DLGAP2: variants seen among roughly 807,000 people sequenced by gnomAD.
DLGAP2 encodes the protein DLG associated protein 2.
A neutral mutation model predicts 100.3 loss-of-function variants in DLGAP2; 26 were observed. That is an observed-to-expected ratio of 0.26 (90% CI 0.19 to 0.36). The LOEUF is 0.36. DLGAP2 is among the 10% of genes least tolerant of loss of function. The probability of loss-of-function intolerance (pLI) is 1.00; values close to 1 mark genes in which losing one functional copy is unlikely to be tolerated. For synonymous variants in DLGAP2, 886 were observed against 630.1 expected, an observed-to-expected ratio of 1.41 and a Z score of -6.08; for missense variants, 1,858 against 1,453.2, an observed-to-expected ratio of 1.28 and a Z score of -4.53.
chr8:830,892 G>A (rs1796769033), intron 1 of DLGAP2, among the ~76,000 whole-genome samples: 1 of 106,672 alleles, frequency 9.4e-6, no homozygotes, highest in East Asian at 2.9e-4. Flanking sequence ...ATTCAGCTGT[G>A]ACTTTTTTTT....
chr8:838,218 T>A (rs189148892), intron 1 of DLGAP2, among the ~76,000 whole-genome samples: 21 of 152,218 alleles, frequency 1.4e-4, no homozygotes, highest in African/African-American at 4.8e-4. Flanking sequence ...TTTGTTCCTT[T>A]TAAGTTCTTA....
intron 2 of DLGAP2, among the ~76,000 whole-genome samples, chr8:1,147,996 G>C (rs1585102726): frequency 6.6e-6 from 1 of 152,252 alleles, no homozygotes; most frequent in East Asian, 1.9e-4. Context: ...AGACAAGTTT[G>C]AGAAGTGTTT....
chr8:1,293,081 G>A (rs1168658946), intron 3 of DLGAP2, among the ~76,000 whole-genome samples: 2 of 152,128 alleles, frequency 1.3e-5, no homozygotes, highest in African/African-American at 4.8e-5. Flanking sequence ...CCCACAAGTG[G>A]GGGAGAAAGG....
At chr8:1,420,751 G>A (rs890165667) in intron 3 of DLGAP2, among the ~76,000 whole-genome samples, 7 of 152,052 alleles carry the variant, frequency 4.6e-5, no homozygotes, top group Non-Finnish European at 8.8e-5. Context: ...TCCCTGGCTC[G>A]GTGGTAATCT....
chr8:1,411,311 T>A (rs1438433404), intron 3 of DLGAP2, among the ~76,000 whole-genome samples: 14 of 152,232 alleles, frequency 9.2e-5, no homozygotes. Flanking sequence ...GAGTTAGGAA[T>A]AATCAAAACA....
chr8:1,575,455 T>TTTATTATTATTATTATTATTA lies in DLGAP2; in HGVS notation c.1442+9576_1442+9596dup, dbSNP rs56350882. Among the ~76,000 whole-genome samples the TTTATTATTATTATTATTATTA allele has an allele frequency of 2.7e-3, 375 of 141,198 alleles. 2 individuals are homozygous for TTTATTATTATTATTATTATTA. The highest frequency in any genetic ancestry group is 3.6e-3 in the Non-Finnish European group (237 of 65,566). 92.6% of individuals were successfully genotyped at this position (141,198 alleles called of 152,430 possible). On this transcript the variant is annotated intron_variant, in intron 6 of 14. Coordinates refer to ENST00000637795, the MANE Select transcript of DLGAP2 (RefSeq NM_001346810.2). ...CCCTCCGTGAGACAGGAGGATATTC[T>TTTATTATTATTATTATTATTA]TTATTATTATTATTATTATTATTAT...
rs373089965 is a variant in DLGAP2, at chr8:1,668,402, G to C, written c.1884G>C (p.Ser628=). The change falls in exon 9 of 15, where the codon TCG becomes TCC. Residue 628 remains serine (S), a synonymous_variant. Transcript: ENST00000637795. ...GGACCACCTCCAAGCCTCTGATCTC[G>C]GTGACGGCGCAGAGCAGCACCGAAT... is the stretch of plus-strand genomic sequence containing the variant. ...PPRTTSKPLI[S]VTAQSSTEST... is the part of the protein sequence containing the mutation. 294 of 1,603,556 alleles carry C rather than the reference G, an allele frequency of 1.8e-4. 3 individuals carry two copies. The South Asian group carries it at 3.1e-3, about 17-fold the overall frequency.
intron 2 of DLGAP2, chr8:1,105,114 C>T (rs1804714223): frequency 1.3e-5 from 2 of 152,192 alleles, no homozygotes; most frequent in South Asian, 2.1e-4. Context: ...CCACGGGTGC[C>T]CCGAATCCCA....
rs558893948 is a variant in DLGAP2 at position 850,923 on chromosome 8, A to G, written c.19-56989A>G. 2.6e-5 allele frequency among the ~76,000 whole-genome samples: 4 copies of G among 152,214 alleles called. No individual in the cohort carries two copies. In the East Asian group the frequency reaches 7.7e-4, roughly 29 times the overall value. The stretch of plus-strand genomic sequence containing the variant: ...ATTGTCTTTCACTCTCTCTGTTTTC[A>G]CTTTTGAAATAGCCAAGATTCACAC... On this transcript the variant is annotated intron_variant, in intron 1 of 14. Transcript: ENST00000637795.
At chr8:837,879 G>T (rs1347666980) in intron 1 of DLGAP2, among the ~76,000 whole-genome samples, 1 of 146,538 alleles carries the variant, frequency 6.8e-6, no homozygotes, top group African/African-American at 2.5e-5. Context: ...ACCACGCCCG[G>T]CTAGTTGTTT....
chr8:983,479 T>C (rs1800399161), intron 2 of DLGAP2, among the ~76,000 whole-genome samples: 1 of 152,190 alleles, frequency 6.6e-6, no homozygotes, highest in South Asian at 2.1e-4. Context: ...AGAATCCACG[T>C]GTTGGTGGAA....
chr8:935,834 C>T (rs890806673), intron 2 of DLGAP2, among the ~76,000 whole-genome samples: 11 of 152,102 alleles, frequency 7.2e-5, no homozygotes, highest in African/African-American at 2.7e-4. Context: ...TTTTGTTTTT[C>T]AGGGAGTATG....
At chr8:1,529,125 T>C (rs1800896523) in intron 4 of DLGAP2, among the ~76,000 whole-genome samples, 1 of 152,210 alleles carries the variant, frequency 6.6e-6, no homozygotes, top group East Asian at 1.9e-4. Context: ...CAGTTCAGCA[T>C]GGCTGGTGAG....
chr8:1,383,657 G>A (rs1796145417), intron 3 of DLGAP2, among the ~76,000 whole-genome samples: 1 of 152,174 alleles, frequency 6.6e-6, no homozygotes, highest in Admixed American at 6.5e-5. Context: ...GCTGGGGCTG[G>A]GACAGGTGCC....
chr8:1,150,313 C>T (rs1796675557), intron 2 of DLGAP2, among the ~76,000 whole-genome samples: 1 of 152,174 alleles, frequency 6.6e-6, no homozygotes, highest in African/African-American at 2.4e-5. Context: ...TTCTGCCTTC[C>T]CTGTTTTTAT....
rs560036594 is a variant in DLGAP2, at chr8:1,321,322, G to A, written c.106+62439G>A. ...TGCATCTGTGTGTCTCTGCGTGTGCGTGTGTGTCTGTGTGTCTCTGCATGT... is the reference window on the plus strand; with the variant it reads ...TGCATCTGTGTGTCTCTGCGTGTGCATGTGTGTCTGTGTGTCTCTGCATGT... On this transcript the variant is annotated intron_variant, in intron 3 of 14. Coordinates refer to ENST00000637795, the MANE Select transcript of DLGAP2 (RefSeq NM_001346810.2). Among the ~76,000 whole-genome samples, 37 of 151,462 alleles carry A rather than the reference G, an allele frequency of 2.4e-4. 1 individual carries two copies. Among genetic ancestry groups the A allele is most frequent in the Middle Eastern group, 3.4e-3 (1 of 292 alleles).
chr8:1,508,867 G>T (rs1250570452), intron 4 of DLGAP2, among the ~76,000 whole-genome samples: 3 of 151,892 alleles, frequency 2.0e-5, no homozygotes, highest in Non-Finnish European at 4.4e-5. Flanking sequence ...CTCCAGAGGG[G>T]ATCATTTGTA....
chr8:842,396 C>G (rs771258284), intron 1 of DLGAP2, among the ~76,000 whole-genome samples: 8 of 152,226 alleles, frequency 5.3e-5, no homozygotes, highest in Non-Finnish European at 1.2e-4. Context: ...ATTCCCCTAA[C>G]CTAACACAAT....
At chr8:1,584,397 C>G (rs1796048690) in intron 6 of DLGAP2, among the ~76,000 whole-genome samples, 1 of 152,184 alleles carries the variant, frequency 6.6e-6, no homozygotes, top group Admixed American at 6.5e-5. Context: ...GTGCATGCCA[C>G]ACACCTGCAA....
Sources: gnomAD v4.1 joint callset for allele counts (sites outside exome capture counted in the v4.1 genomes callset) on GRCh38, gnomAD v4.1.1 for gene constraint, MANE v1.5 for transcripts, NCBI Gene and HGNC (gene_info 2026-07-23, HGNC 2026-07-21) for gene names.